The following GABRG3 variants were observed in gnomAD, a reference collection of about 807,000 sequenced individuals.
GABRG3 encodes the protein gamma-aminobutyric acid receptor subunit gamma-3.
GABRG3 carries 25 observed loss-of-function variants against 48.8 expected under a neutral mutation model. The ratio of observed to expected loss-of-function variants is 0.51; its 90% CI spans 0.37 to 0.72. The LOEUF (loss-of-function observed/expected upper bound fraction) is 0.72. Ranked by LOEUF, GABRG3 falls within the 30% of genes least tolerant of loss-of-function variation. GABRG3 has a pLI of 0.00. For synonymous variants in GABRG3, 227 were observed against 217.6 expected (o/e 1.04, Z -0.38); for missense variants, 394 against 577.9 (o/e 0.68, Z 3.26).
intron 5 of GABRG3, among the ~76,000 whole-genome samples, chr15:27,442,764 G>A (rs1888829704): frequency 6.6e-6 from 1 of 152,192 alleles, no homozygotes; most frequent in African/African-American, 2.4e-5. Flanking sequence ...AGTTGAAATG[G>A]TGAGGGTGTC....
At chr15:27,427,840 A>C (rs938452318) in intron 5 of GABRG3, among the ~76,000 whole-genome samples, 10 of 152,074 alleles carry the variant, frequency 6.6e-5, no homozygotes, top group African/African-American at 2.4e-4. Flanking sequence ...CATCCTCTGG[A>C]GTGGCTTGTT....
chr15:27,212,646 G>A (rs766765303), intron 3 of GABRG3, among the ~76,000 whole-genome samples: 2 of 152,070 alleles, frequency 1.3e-5, no homozygotes, highest in Non-Finnish European at 2.9e-5. Context: ...TCACGTTGTC[G>A]TACAACCGTC....
chr15:27,037,915 T>G (rs1896206730), intron 3 of GABRG3, among the ~76,000 whole-genome samples: 1 of 152,138 alleles, frequency 6.6e-6, no homozygotes, highest in African/African-American at 2.4e-5. Context: ...GCCACCAACT[T>G]GCTGCTTGCC....
chr15:27,119,405 A>G (rs1234521777), intron 3 of GABRG3, among the ~76,000 whole-genome samples: 2 of 152,240 alleles, frequency 1.3e-5, no homozygotes, highest in East Asian at 1.9e-4. Context: ...GAAAAGATAT[A>G]ACTTTTTCAG....
intron 3 of GABRG3, among the ~76,000 whole-genome samples, chr15:27,128,839 C>T (rs1199817933): frequency 2.0e-5 from 3 of 152,090 alleles, no homozygotes. Context: ...CTGTGTGTCT[C>T]ATTATTTCAA....
At chr15:26,978,339 A>G (rs1346190997) in intron 2 of GABRG3, among the ~76,000 whole-genome samples, 1 of 152,026 alleles carries the variant, frequency 6.6e-6, no homozygotes, top group East Asian at 1.9e-4. Context: ...GATGAAATCC[A>G]ATTTATTGAT....
chr15:27,296,603 A>G (rs1891993185), intron 3 of GABRG3, among the ~76,000 whole-genome samples: 1 of 152,166 alleles, frequency 6.6e-6, no homozygotes, highest in East Asian at 1.9e-4. Context: ...ATAAGATTAT[A>G]ATGGAAATGA....
rs1896293835 is a variant in GABRG3, at chr15:27,042,496, T to A, written c.270+15675T>A. On this transcript the variant is annotated intron_variant, in intron 3 of 9. Transcript: ENST00000615808. ...GCCCTCTGCTGCCAGCTTCAGAGGA[T>A]GCCCGTTGCCTCCCTGTTGCAGTGC... is the stretch of plus-strand genomic sequence containing the variant. Among the ~76,000 whole-genome samples the A allele has an allele frequency of 3.9e-5, 6 of 152,340 alleles. No individual in the cohort carries two copies. The South Asian group carries it at 1.2e-3, about 32-fold the overall frequency.
chr15:27,217,215 G>T (rs1159187817), intron 3 of GABRG3, among the ~76,000 whole-genome samples: 2 of 152,144 alleles, frequency 1.3e-5, no homozygotes, highest in East Asian at 1.9e-4. Context: ...AAAGACACTT[G>T]CACACGTATG....
rs527607847 is a variant in GABRG3 at position 27,277,486 on chromosome 15, G to A, written c.271-49323G>A. 6.6e-5 allele frequency among the ~76,000 whole-genome samples: 10 copies of A among 152,282 alleles called. No individual in the cohort carries two copies. The East Asian group carries it at 1.9e-3, about 29-fold the overall frequency. On this transcript the variant is annotated intron_variant, in intron 3 of 9. Transcript: ENST00000615808. ...CCTTAAATTCTTTGATGACTTCTGA[G>A]AATCAATGATGCCTAACTGGAGGAG...
chr15:27,010,464 A>C (rs566046716), intron 2 of GABRG3, among the ~76,000 whole-genome samples: 1 of 152,332 alleles, frequency 6.6e-6, no homozygotes, highest in South Asian at 2.1e-4. Flanking sequence ...TGGTCAAAAC[A>C]ATAGCCCCAG....
chr15:27,045,408 C>G (rs1896345859), intron 3 of GABRG3, among the ~76,000 whole-genome samples: 1 of 152,236 alleles, frequency 6.6e-6, no homozygotes. Context: ...GTTCCTTATG[C>G]TCTGTCATTA....
chr15:27,154,036 G>T (rs1480327857), intron 3 of GABRG3, among the ~76,000 whole-genome samples: 2 of 152,152 alleles, frequency 1.3e-5, no homozygotes, highest in East Asian at 1.9e-4. Flanking sequence ...GAGTTGGGCT[G>T]TGCTTAGTAT....
At chr15:27,362,717 C>G (rs569292717) in intron 5 of GABRG3, 4 of 152,302 alleles carry the variant, frequency 2.6e-5, no homozygotes, top group Admixed American at 6.5e-5. Flanking sequence ...CCCCCAGGAG[C>G]CTTTTACTCA....
chr15:27,503,682 G>A (rs1890696415), intron 6 of GABRG3, among the ~76,000 whole-genome samples: 1 of 152,182 alleles, frequency 6.6e-6, no homozygotes, highest in Non-Finnish European at 1.5e-5. Context: ...ATGCAAATTA[G>A]CTCAAGTTGA....
chr15:27,231,113 A>G (rs1889784294), intron 3 of GABRG3, among the ~76,000 whole-genome samples: 1 of 152,150 alleles, frequency 6.6e-6, no homozygotes, highest in African/African-American at 2.4e-5. Flanking sequence ...CTTATTCTAT[A>G]GGAAATATCA....
In GABRG3 at chr15:27,527,637, G is replaced by T. The variant is rs373976015; in HGVS notation, c.1062+8G>T. 4.7e-5 allele frequency: 75 copies of T among 1,597,430 alleles called. No homozygotes were observed. The highest frequency in any genetic ancestry group is 5.9e-5 in the Non-Finnish European group (69 of 1,171,304). Reference sequence around the variant, plus strand: ...ACGAAGAAGACAACATCGGTGAGCTGCAGTAGCAAAGGTTCTCCGGGAGGT... The same window carrying T: ...ACGAAGAAGACAACATCGGTGAGCTTCAGTAGCAAAGGTTCTCCGGGAGGT... On this transcript the variant is annotated splice_region_variant and intron_variant, in intron 8 of 9. Coordinates refer to ENST00000615808, the MANE Select transcript of GABRG3 (RefSeq NM_033223.5).
At chr15:27,102,913 C>T (rs2140366019) in intron 3 of GABRG3, among the ~76,000 whole-genome samples, 1 of 152,188 alleles carries the variant, frequency 6.6e-6, no homozygotes, top group Non-Finnish European at 1.5e-5. Context: ...TTGAAAATTC[C>T]AGGAAGAACA....
intron 3 of GABRG3, among the ~76,000 whole-genome samples, chr15:27,296,414 G>A (rs1344116061): frequency 6.6e-6 from 1 of 152,068 alleles, no homozygotes; most frequent in African/African-American, 2.4e-5. Flanking sequence ...TATTGACACT[G>A]GGTGCTAACT....
Sources: gnomAD v4.1 joint callset for allele counts (sites outside exome capture counted in the v4.1 genomes callset) on GRCh38, gnomAD v4.1.1 for gene constraint, MANE v1.5 for transcripts, NCBI Gene and HGNC (gene_info 2026-07-23, HGNC 2026-07-21) for gene names.